Variants in OSBPL9 observed in about 807,000 individuals in gnomAD.
OSBPL9 encodes oxysterol binding protein like 9, also known as oxysterol-binding protein-related protein 9.
A neutral mutation model predicts 106.6 loss-of-function variants in OSBPL9; 40 were observed. That is an observed-to-expected ratio of 0.38 (90% CI 0.29 to 0.49). The LOEUF (loss-of-function observed/expected upper bound fraction) is 0.49, where lower values mean the gene tolerates loss of function less well. Ranked by LOEUF, OSBPL9 falls within the 20% of genes least tolerant of loss-of-function variation. The probability of loss-of-function intolerance (pLI) is 0.97; values close to 1 mark genes in which losing one functional copy is unlikely to be tolerated. For synonymous variants in OSBPL9, 269 were observed against 295.4 expected (o/e 0.91, Z 0.92); for missense variants, 609 against 887.2 (o/e 0.69, Z 3.98).
At chr1:51,684,137 A>G (rs543593898) in intron 3 of OSBPL9, among the ~76,000 whole-genome samples, 7 of 152,116 alleles carry the variant, frequency 4.6e-5, no homozygotes, top group Non-Finnish European at 8.8e-5. Context: ...CTGAGTAGCT[A>G]GGACTGCAGG....
intron 4 of OSBPL9, among the ~76,000 whole-genome samples, chr1:51,730,834 G>T (rs1199971176): frequency 6.6e-6 from 1 of 152,136 alleles, no homozygotes; most frequent in Non-Finnish European, 1.5e-5. Context: ...GTAATTCCTA[G>T]TTTCTCAGTG....
the OSBPL9 span, among the ~76,000 whole-genome samples, chr1:51,530,189 A>AAAAAAAAAAAAAAC: frequency 2.1e-5 from 2 of 94,072 alleles, no homozygotes; most frequent in South Asian, 5.4e-4. Flanking sequence ...AAAAAAAAAA[A>AAAAAAAAAAAAAAC]AAACAAAAAA....
chr1:51,768,664 GAC>G (rs1673162408), intron 12 of OSBPL9, among the ~76,000 whole-genome samples: 1 of 152,244 alleles, frequency 6.6e-6, no homozygotes, highest in African/African-American at 2.4e-5. Context: ...ATCACTGATA[GAC>G]ACTCTCTGGC....
intron 2 of OSBPL9, among the ~76,000 whole-genome samples, chr1:51,655,556 C>T (rs1417568280): frequency 6.6e-6 from 1 of 152,082 alleles, no homozygotes; most frequent in African/African-American, 2.4e-5. Flanking sequence ...TCCCTTTTGC[C>T]ATGTAATGTA....
intron 1 of OSBPL9, among the ~76,000 whole-genome samples, chr1:51,580,965 A>G (rs11205868): frequency 0.11 from 9,391 of 87,412 alleles, 2,261 homozygotes; most frequent in African/African-American, 0.36. Context: ...ACTTTTTTGA[A>G]ACAGAGTCTT....
At chr1:51,569,164 G>A in the OSBPL9 span, among the ~76,000 whole-genome samples, 7 of 152,096 alleles carry the variant, frequency 4.6e-5, no homozygotes, top group African/African-American at 1.7e-4. Flanking sequence ...CATTTCAGAT[G>A]CTAAAAAAAG....
At chr1:51,759,177 T>C (rs529659139) in intron 9 of OSBPL9, among the ~76,000 whole-genome samples, 2 of 152,024 alleles carry the variant, frequency 1.3e-5, no homozygotes, top group East Asian at 3.9e-4. Context: ...CATTTTTCAG[T>C]TAAAGTATTT....
At chr1:51,530,509 C>T in the OSBPL9 span, among the ~76,000 whole-genome samples, 109 of 151,058 alleles carry the variant, frequency 7.2e-4, no homozygotes, top group East Asian at 0.01. Context: ...CCCAGCACTT[C>T]GGGAGGCTGA....
the OSBPL9 span, among the ~76,000 whole-genome samples, chr1:51,540,576 C>T: frequency 6.6e-6 from 1 of 151,736 alleles, no homozygotes; most frequent in African/African-American, 2.4e-5. Flanking sequence ...ATCACTTGAA[C>T]CTGGGAGGTG....
chr1:51,626,154 C>G (rs1644751636), intron 1 of OSBPL9, among the ~76,000 whole-genome samples: 1 of 152,196 alleles, frequency 6.6e-6, no homozygotes, highest in Non-Finnish European at 1.5e-5. Context: ...CTTCTTTCCT[C>G]CATCACTCAT....
chr1:51,757,811 C>G (rs995840733), intron 9 of OSBPL9, among the ~76,000 whole-genome samples: 16 of 152,110 alleles, frequency 1.1e-4, no homozygotes, highest in African/African-American at 3.4e-4. Context: ...CTTTCTGAGT[C>G]TTAATTTCTT....
At chr1:51,519,219 C>T in the OSBPL9 span, 3 of 1,415,502 alleles carry the variant, frequency 2.1e-6, no homozygotes, top group East Asian at 2.8e-5. Context: ...GAGAGCTGGG[C>T]CGCCGCAGCC....
chr1:51,543,272 A>G, the OSBPL9 span, among the ~76,000 whole-genome samples: 1 of 152,258 alleles, frequency 6.6e-6, no homozygotes, highest in Non-Finnish European at 1.5e-5. Context: ...TGTGTCTGAT[A>G]AACTTGAGAT....
Position 51,593,409 on chromosome 1 carries a change from A to G in OSBPL9, c.-422-4715A>G, listed in dbSNP as rs533605068. Among the ~76,000 whole-genome samples, 11 of 152,004 alleles carry G rather than the reference A, an allele frequency of 7.2e-5. No homozygotes were observed. The East Asian group carries it at 1.9e-3, about 27-fold the overall frequency. On this transcript the variant is annotated intron_variant, in intron 1 of 25. Transcript: ENST00000371714. ...ACTAGTTTCCCACTGCCTTCAGCAA[A>G]AGGTCAGGCTCCCTAACCCCCTTGG...
At chr1:51,616,817 T>C (rs540846100), upstream of OSBPL9, 63 of 290,030 alleles carry the variant, frequency 2.2e-4, no homozygotes, top group African/African-American at 1.3e-3. Flanking sequence ...TCATGGCCAG[T>C]AAAATTATTT....
rs1248745304 is a variant in OSBPL9, at chr1:51,788,216, A to G, written c.*427A>G. 6.4e-6 allele frequency: 1 copy of G among 155,446 alleles called. No individual in the cohort carries two copies. Among genetic ancestry groups the G allele is most frequent in the Non-Finnish European group, 1.4e-5 (1 of 70,104 alleles). 9.6% of individuals were successfully genotyped at this position (155,446 alleles called of 1,614,324 possible). A position where few individuals can be genotyped will look rare whatever the true frequency, so the allele number is the denominator to read the frequency against. ...CGTATACACACACATACATATATAT[A>G]AATATACCTGATGCCAGATTTTTTT... On this transcript the variant is annotated 3_prime_UTR_variant, in exon 24 of 24. Transcript: ENST00000428468.
At chr1:51,632,833 A>G (rs1236170396) in intron 1 of OSBPL9, among the ~76,000 whole-genome samples, 1 of 152,146 alleles carries the variant, frequency 6.6e-6, no homozygotes, top group Admixed American at 6.5e-5. Context: ...TCTGACAGGC[A>G]ACATCCTCTG....
Position 51,580,309 on chromosome 1 carries a change from A to G in OSBPL9, c.-423+3053A>G, listed in dbSNP as rs952820569. Reference sequence around the variant, plus strand: ...GTGTTCTCATTTATAAATAAGGATTATATTTAAACTCTTTAAAGAAAGGAA... The same window carrying G: ...GTGTTCTCATTTATAAATAAGGATTGTATTTAAACTCTTTAAAGAAAGGAA... On this transcript the variant is annotated intron_variant, in intron 1 of 25. Transcript: ENST00000371714. Among the ~76,000 whole-genome samples the G allele has an allele frequency of 2.2e-4, 33 of 152,262 alleles. 1 individual carries two copies. Among genetic ancestry groups the G allele is most frequent in the Non-Finnish European group, 4.4e-5 (3 of 68,046 alleles).
intron 13 of OSBPL9, 145 bp downstream of exon 13, chr1:51,772,327 C>T (rs1385200909): frequency 4.4e-6 from 3 of 682,788 alleles, no homozygotes; most frequent in East Asian, 5.5e-5. Flanking sequence ...GCCTGACCAA[C>T]ATGGTGAAAC....
Sources: gnomAD v4.1 joint callset for allele counts (sites outside exome capture counted in the v4.1 genomes callset) on GRCh38, gnomAD v4.1.1 for gene constraint, MANE v1.5 for transcripts, NCBI Gene and HGNC (gene_info 2026-07-23, HGNC 2026-07-21) for gene names.